The following BTD variants were observed in gnomAD, a reference collection of about 807,000 sequenced individuals.
BTD encodes the protein biotinidase.
Under a neutral mutation model 17.7 loss-of-function variants are expected in BTD, and 13 were observed. The ratio of observed to expected loss-of-function variants is 0.74; its 90% CI spans 0.48 to 1.17. The LOEUF (loss-of-function observed/expected upper bound fraction) is 1.17, where lower values mean the gene tolerates loss of function less well. Ranked by LOEUF, BTD falls within the 50% of genes most tolerant of loss-of-function variation. The pLI, the probability that BTD is intolerant of heterozygous loss-of-function variation, is 0.00. For missense variants in BTD, 674 were observed against 650.4 expected (o/e 1.04, Z -0.39); for synonymous variants, 240 against 245.2 (o/e 0.98, Z 0.20).
chr3:15,687,912 G>A (rs1239855055), intron 3 of BTD, among the ~76,000 whole-genome samples: 1 of 152,154 alleles, frequency 6.6e-6, no homozygotes, highest in Non-Finnish European at 1.5e-5. Context: ...CAGCATCTCT[G>A]TGGGAAATGA....
chr3:15,601,531 G>C (rs772168842), upstream of BTD: 38 of 1,607,846 alleles, frequency 2.4e-5, no homozygotes, highest in East Asian at 4.9e-4. Context: ...CAAGGCAAAC[G>C]CGAAATCGGC....
chr3:15,690,366 G>GT (rs1285351813), intron 3 of BTD: 2 of 669,518 alleles, frequency 3.0e-6, no homozygotes, highest in Non-Finnish European at 4.9e-6. Context: ...AATTCAGGAA[G>GT]TTAACTACAG....
downstream of BTD, chr3:15,714,541 A>AAC (rs1253718373): frequency 6.1e-6 from 9 of 1,481,894 alleles, 1 homozygote; most frequent in Middle Eastern, 9.0e-4. Flanking sequence ...AGAAAAAAAA[A>AAC]AAAAAACCCC....
intron 1 of BTD, among the ~76,000 whole-genome samples, chr3:15,621,043 G>A (rs2064938954): frequency 6.6e-6 from 1 of 152,252 alleles, no homozygotes; most frequent in Non-Finnish European, 1.5e-5. Flanking sequence ...GGCAGGAGAG[G>A]AAGGGTATAT....
chr3:15,628,748 C>T (rs2065129121), intron 1 of BTD, among the ~76,000 whole-genome samples: 1 of 152,168 alleles, frequency 6.6e-6, no homozygotes, highest in Admixed American at 6.5e-5. Flanking sequence ...GGTCTCCAAT[C>T]AATAGTTTAA....
At chr3:15,611,631 G>T in intron 1 of BTD, among the ~76,000 whole-genome samples, 1 of 151,504 alleles carries the variant, frequency 6.6e-6, no homozygotes, top group Non-Finnish European at 1.5e-5. Context: ...TCTTTTATCC[G>T]AAGTTTTGGT....
intron 3 of BTD, chr3:15,689,887 A>T: frequency 1.3e-6 from 1 of 763,798 alleles, no homozygotes; most frequent in Non-Finnish European, 2.0e-6. Context: ...GAGGTCAAAT[A>T]ATCCATATAT....
At chr3:15,691,356 CT>C (rs2068774355) in intron 3 of BTD, among the ~76,000 whole-genome samples, 1 of 152,138 alleles carries the variant, frequency 6.6e-6, no homozygotes. Context: ...ATCTCTTGAC[CT>C]TGTGATCCGC....
Position 15,635,522 on chromosome 3 carries a change from G to A in BTD, c.83G>A (p.Ser28Asn). The change falls in exon 2 of 4, where the codon AGC becomes AAC. Residue 28 changes from serine (S) to asparagine (N), a missense_variant. Coordinates refer to ENST00000643237, the MANE Select transcript of BTD (RefSeq NM_001370658.1). This position sits in a 1 kb window ranked among gnomAD's most constrained non-coding sequence, Gnocchi z 4.1. ...CTGGGAGCCCACACCGGGGAGGAGAGCGTGGCTGACCATCACGAGGCTGAA... is the reference window on the plus strand; with the variant it reads ...CTGGGAGCCCACACCGGGGAGGAGAACGTGGCTGACCATCACGAGGCTGAA... ...VALGAHTGEE[S>N]VADHHEAEYY... is the part of the protein sequence containing the mutation. The A allele has an allele frequency of 6.2e-7, 1 of 1,614,156 alleles. No individual in the cohort carries two copies. The highest frequency in any genetic ancestry group is 1.3e-5 in the African/African-American group (1 of 75,034).
chr3:15,640,630 A>G (rs1194336116), intron 2 of BTD, among the ~76,000 whole-genome samples: 3 of 152,196 alleles, frequency 2.0e-5, no homozygotes, highest in East Asian at 1.9e-4. Flanking sequence ...AGCTCAGGTG[A>G]TCTGCCCACC....
chr3:15,642,320 G>A, intron 3 of BTD: 1 of 1,353,650 alleles, frequency 7.4e-7, no homozygotes. Flanking sequence ...CAAACCAAAA[G>A]TAAAAAAAGA....
exon 4 of BTD, chr3:15,711,313 T>A (rs755712610): frequency 2.0e-6 from 3 of 1,507,956 alleles, no homozygotes; most frequent in Middle Eastern, 1.7e-4. Flanking sequence ...ACAGACATAT[T>A]ATTTTACACT....
chr3:15,694,086 C>A (rs1439575436), intron 3 of BTD, among the ~76,000 whole-genome samples: 1 of 151,974 alleles, frequency 6.6e-6, no homozygotes, highest in Non-Finnish European at 1.5e-5. Flanking sequence ...TGCTTTGTCT[C>A]AAAAATAAAT....
At chr3:15,716,944 A>G (rs2073147561), downstream of BTD, among the ~76,000 whole-genome samples, 1 of 152,186 alleles carries the variant, frequency 6.6e-6, no homozygotes, top group Admixed American at 6.5e-5. Context: ...GCTGGTCAAC[A>G]GAGTGAGATT....
intron 1 of BTD, among the ~76,000 whole-genome samples, chr3:15,603,295 A>G (rs1404789377): frequency 6.6e-6 from 1 of 152,192 alleles, no homozygotes; most frequent in Non-Finnish European, 1.5e-5. Flanking sequence ...CATTAACTCG[A>G]AAGTCCACAG....
intron 1 of BTD, among the ~76,000 whole-genome samples, chr3:15,614,591 T>C (rs1224867423): frequency 1.3e-5 from 2 of 150,384 alleles, no homozygotes; most frequent in Non-Finnish European, 2.9e-5. Flanking sequence ...TTTGACAATA[T>C]CTTTTTCTTT....
rs889341719 is a variant in BTD, at chr3:15,629,328, C to T, written c.-16-6096C>T. ...GCCATAAAATGCAGATTCTCAGACC[C>T]TATTCCATACCTACTCAATCAAAAC... On this transcript the variant is annotated intron_variant, in intron 1 of 3. Transcript: ENST00000643237. 2.6e-5 allele frequency among the ~76,000 whole-genome samples: 4 copies of T among 152,294 alleles called. No homozygotes were observed. The South Asian group carries it at 8.3e-4, about 32-fold the overall frequency.
chr3:15,642,002 C>G lies in BTD; in HGVS notation c.344C>G (p.Pro115Arg). The change falls in exon 3 of 4, where the codon CCC (proline) becomes CGC (arginine). Residue 115 changes from proline to arginine, a missense_variant. Coordinates refer to ENST00000643237, the MANE Select transcript of BTD (RefSeq NM_001370658.1). ...CCATTTTTGGACTTCATGCCGTCTCCCCAGGTGGTCAGGTGGAACCCATGC... is the reference window on the plus strand; with the variant it reads ...CCATTTTTGGACTTCATGCCGTCTCGCCAGGTGGTCAGGTGGAACCCATGC... ...IYPFLDFMPSPQVVRWNPCLE... is the reference protein window; with the variant it reads ...IYPFLDFMPSRQVVRWNPCLE... The G allele has an allele frequency of 6.2e-7, 1 of 1,614,162 alleles. No homozygotes were observed.
At chr3:15,666,838 A>T (rs1039243510) in intron 3 of BTD, among the ~76,000 whole-genome samples, 2 of 152,204 alleles carry the variant, frequency 1.3e-5, no homozygotes, top group African/African-American at 2.4e-5. Flanking sequence ...TTCAAATCTG[A>T]TTCTCAATGT....
Sources: gnomAD v4.1 joint callset for allele counts (sites outside exome capture counted in the v4.1 genomes callset) on GRCh38, gnomAD v4.1.1 for gene constraint, Gnocchi (gnomAD v3.1) non-coding constraint, MANE v1.5 for transcripts, NCBI Gene and HGNC (gene_info 2026-07-23, HGNC 2026-07-21) for gene names.